The following HIPK3 variants were observed in gnomAD, a reference collection of about 807,000 sequenced individuals.
HIPK3 encodes the protein homeodomain interacting protein kinase 3.
Under a neutral mutation model 124.2 loss-of-function variants are expected in HIPK3, and 47 were observed. The observed-to-expected ratio is 0.38, with a 90% confidence interval of 0.30 to 0.48. HIPK3 has a LOEUF of 0.48. Among genes scored for constraint, HIPK3 ranks in the 20% least tolerant of loss-of-function variants. The pLI is 0.98. For missense variants in HIPK3, 1,286 were observed against 1,454.3 expected, an observed-to-expected ratio of 0.88 and a Z score of 1.88; for synonymous variants, 482 against 515.2, an observed-to-expected ratio of 0.94 and a Z score of 0.87.
chr11:33,297,091 A>ATTTT (rs34751907), intron 2 of HIPK3, among the ~76,000 whole-genome samples: 4 of 136,474 alleles, frequency 2.9e-5, no homozygotes, highest in South Asian at 4.6e-4. Context: ...TATGGAAAAG[A>ATTTT]TTTTTTTTTT....
Position 33,347,277 on chromosome 11 carries a change from C to A in HIPK3, c.1898-16C>A. The A allele has an allele frequency of 6.3e-7, 1 of 1,598,154 alleles. No homozygotes were observed. Among genetic ancestry groups the A allele is most frequent in the Non-Finnish European group, 8.5e-7 (1 of 1,171,184 alleles). ...GAAGATTTTTTCTTTTATTTGATAA[C>A]TATTCTGTTTCACAGGTATTCCTGC... On this transcript the variant is annotated splice_polypyrimidine_tract_variant and intron_variant, in intron 8 of 16. Transcript: ENST00000303296.
intron 2 of HIPK3, among the ~76,000 whole-genome samples, chr11:33,292,169 A>G (rs542369598): frequency 6.6e-6 from 1 of 152,206 alleles, no homozygotes; most frequent in South Asian, 2.1e-4. Context: ...TCACTTCTCT[A>G]TGGGGTAGTT....
intron 2 of HIPK3, among the ~76,000 whole-genome samples, chr11:33,310,756 A>G (rs973074255): frequency 6.6e-6 from 1 of 152,228 alleles, no homozygotes; most frequent in African/African-American, 2.4e-5. Context: ...TGTTGCGAAA[A>G]TACGGTAGGA....
upstream of HIPK3, chr11:33,257,357 G>A: frequency 3.0e-6 from 3 of 984,810 alleles, no homozygotes; most frequent in Non-Finnish European, 3.6e-6. Context: ...GAGCGCGGAG[G>A]AGGGGCCCGA....
chr11:33,345,882 A>G (rs930095316), intron 8 of HIPK3, among the ~76,000 whole-genome samples: 2 of 152,166 alleles, frequency 1.3e-5, no homozygotes, highest in African/African-American at 4.8e-5. Context: ...TAACACTTAC[A>G]TCTGTGAAAT....
At chr11:33,258,536 G>C (rs1850734924) in intron 1 of HIPK3, 3 of 985,554 alleles carry the variant, frequency 3.0e-6, no homozygotes, top group Non-Finnish European at 3.6e-6. Flanking sequence ...GCGGCGGGAG[G>C]AAGGCGTGGC....
At chr11:33,267,810 G>A (rs1033250219) in intron 1 of HIPK3, among the ~76,000 whole-genome samples, 3 of 152,080 alleles carry the variant, frequency 2.0e-5, no homozygotes, top group Non-Finnish European at 4.4e-5. Context: ...TATTATTTTT[G>A]TATTTCATTT....
chr11:33,317,944 C>G (rs893606814), intron 2 of HIPK3, among the ~76,000 whole-genome samples: 1 of 152,066 alleles, frequency 6.6e-6, no homozygotes, highest in African/African-American at 2.4e-5. Context: ...CTCTGTGTCC[C>G]CCAAAATAAG....
chr11:33,257,321 C>T, upstream of HIPK3: 3 of 983,952 alleles, frequency 3.0e-6, no homozygotes, highest in Non-Finnish European at 2.4e-6. Flanking sequence ...GGCGGTGGCG[C>T]TGCGGAGGCG....
chr11:33,260,895 A>G (rs1850800893), intron 1 of HIPK3, among the ~76,000 whole-genome samples: 1 of 152,004 alleles, frequency 6.6e-6, no homozygotes, highest in Non-Finnish European at 1.5e-5. Context: ...CCAATGTAGT[A>G]TGTTTAACTT....
intron 14 of HIPK3, among the ~76,000 whole-genome samples, chr11:33,350,045 G>A (rs1333308346): frequency 6.6e-6 from 1 of 152,138 alleles, no homozygotes; most frequent in African/African-American, 2.4e-5. Flanking sequence ...GATTACAGGC[G>A]TGAGCCACCA....
At chr11:33,329,987 C>T (rs568031005) in intron 3 of HIPK3, among the ~76,000 whole-genome samples, 1 of 152,276 alleles carries the variant, frequency 6.6e-6, no homozygotes, top group South Asian at 2.1e-4. Flanking sequence ...CACAGTTCAT[C>T]TTGGACAACT....
intron 16 of HIPK3, 48 bp downstream of exon 16, chr11:33,352,313 C>T: frequency 6.3e-7 from 1 of 1,594,874 alleles, no homozygotes; most frequent in Admixed American, 1.7e-5. Context: ...TCAAATTTAG[C>T]AGTTGTTTTT....
At position 33,313,879 on chromosome 11, in the gene HIPK3, A is replaced by G. The variant is rs147534877; in HGVS notation, c.1098-14631A>G. ...ATTTTTTTAAATTTTTTTGAGAGAT[A>G]GGGTCCAGGCTGGAGTGCAGTGGTA... On this transcript the variant is annotated intron_variant, in intron 2 of 16. Coordinates refer to ENST00000303296, the MANE Select transcript of HIPK3 (RefSeq NM_005734.5). Among the ~76,000 whole-genome samples, 67 of 152,148 alleles carry G rather than the reference A, an allele frequency of 4.4e-4. No homozygotes were observed. In the East Asian group the frequency reaches 0.013, roughly 29 times the overall value.
In HIPK3 at chr11:33,286,882, C is replaced by G; in HGVS notation, c.468C>G (p.Thr156=). The change falls in exon 2 of 17, where the codon ACC becomes ACG. Residue 156 remains threonine (T), a synonymous_variant. Transcript: ENST00000303296. ...CCATACTTCCTGCAATGTTGCAAAC[C>G]AACATGGGAAATCCAGTGACAGTTG... ...ELSILPAMLQ[T]NMGNPVTVVT... is the part of the protein sequence containing the mutation. The G allele has an allele frequency of 6.2e-7, 1 of 1,614,088 alleles. No individual in the cohort carries two copies. The highest frequency in any genetic ancestry group is 8.5e-7 in the Non-Finnish European group (1 of 1,180,014).
chr11:33,352,351 G>C, intron 16 of HIPK3, 86 bp downstream of exon 16: 1 of 1,386,254 alleles, frequency 7.2e-7, no homozygotes, highest in Non-Finnish European at 1.0e-6. Flanking sequence ...TTCTGAAACT[G>C]TATGTAGTGT....
At chr11:33,303,932 T>C (rs1852077052) in intron 2 of HIPK3, among the ~76,000 whole-genome samples, 1 of 152,064 alleles carries the variant, frequency 6.6e-6, no homozygotes, top group Non-Finnish European at 1.5e-5. Flanking sequence ...TTATTTGATA[T>C]ATATGTGTAT....
At chr11:33,349,753 A>C (rs1853602314) in intron 14 of HIPK3, among the ~76,000 whole-genome samples, 1 of 151,952 alleles carries the variant, frequency 6.6e-6, no homozygotes, top group Non-Finnish European at 1.5e-5. Flanking sequence ...ACCTAACTAA[A>C]TAATCTTTTT....
chr11:33,258,749 C>T (rs1850744368), intron 1 of HIPK3: 3 of 983,726 alleles, frequency 3.0e-6, no homozygotes, highest in African/African-American at 1.7e-5. Flanking sequence ...AGGAATTGCG[C>T]TGAAGAGTGT....
Sources: allele counts gnomAD v4.1 joint callset (sites outside exome capture counted in the v4.1 genomes callset), GRCh38; gene constraint gnomAD v4.1.1; transcripts MANE v1.5; gene names NCBI Gene and HGNC (gene_info 2026-07-23, HGNC 2026-07-21).